PRDM14: variants seen among roughly 807,000 people sequenced by gnomAD.
The protein encoded by PRDM14 is PR/SET domain 14.
A neutral mutation model predicts 48.0 loss-of-function variants in PRDM14; 16 were observed. The observed-to-expected ratio is 0.33, with a 90% CI of 0.23 to 0.51. The LOEUF is 0.51. Among genes scored for constraint, PRDM14 ranks in the 20% least tolerant of loss-of-function variants. The pLI is 0.97. For missense variants in PRDM14, 566 were observed against 719.6 expected, an observed-to-expected ratio of 0.79 and a Z score of 2.44; for synonymous variants, 264 against 276.6, an observed-to-expected ratio of 0.95 and a Z score of 0.45.
Position 70,051,813 on chromosome 8 carries a change from C to A in PRDM14, c.*264G>T. ...TTGAGACAGGGTCTGGTTCTGTCAC[C>A]CAGGTTGAAAAGCAGTGGGGCGATC... is the stretch of plus-strand genomic sequence containing the variant. On this transcript the variant is annotated 3_prime_UTR_variant, in exon 8 of 8. Transcript: ENST00000276594. 2.9e-6 allele frequency: 1 copy of A among 348,412 alleles called. No individual in the cohort carries two copies. Among genetic ancestry groups the A allele is most frequent in the Non-Finnish European group, 5.2e-6 (1 of 192,064 alleles). The allele number at this position is 348,412 out of a possible 1,614,324, so 21.6% of individuals were successfully genotyped here. A position where few individuals can be genotyped will look rare whatever the true frequency, so the allele number is the denominator to read the frequency against.
At chr8:70,057,167 A>G (rs1407849356) in intron 6 of PRDM14, among the ~76,000 whole-genome samples, 2 of 151,664 alleles carry the variant, frequency 1.3e-5, no homozygotes, top group East Asian at 3.9e-4. Flanking sequence ...GGGTTTCACC[A>G]TGTTAGCCAC....
intron 7 of PRDM14, among the ~76,000 whole-genome samples, chr8:70,053,494 G>A (rs190419884): frequency 6.2e-4 from 94 of 152,178 alleles, no homozygotes; most frequent in African/African-American, 2.0e-3. Flanking sequence ...AGGTTCAAGC[G>A]ATTCTAGTGC....
rs1227328619 is a variant in PRDM14, at chr8:70,052,296, T to C, written c.1497A>G (p.Thr499=). 6.2e-7 allele frequency: 1 copy of C among 1,610,442 alleles called. No homozygotes were observed. Among genetic ancestry groups the C allele is most frequent in the African/African-American group, 1.3e-5 (1 of 74,882 alleles). ...TGTGTGTGCGGAGTATGCTGGAGGC[T>C]GTGAACCTCTGCAGAGAACAGAAAT... is the stretch of plus-strand genomic sequence containing the variant. The part of the protein sequence containing the change: ...YQCVYCTKRF[T]ASSILRTHIR... The change falls in exon 8 of 8, where the codon ACA becomes ACG. Residue 499 remains threonine, a synonymous_variant. Transcript: ENST00000276594.
chr8:70,056,411 C>T (rs1319583215), intron 6 of PRDM14, among the ~76,000 whole-genome samples: 1 of 152,194 alleles, frequency 6.6e-6, no homozygotes, highest in Non-Finnish European at 1.5e-5. Flanking sequence ...GGTTTCTGTG[C>T]TTTCACAACC....
chr8:70,063,551 T>C (rs533362562), intron 5 of PRDM14, among the ~76,000 whole-genome samples: 56 of 152,020 alleles, frequency 3.7e-4, no homozygotes, highest in Middle Eastern at 6.8e-3. Flanking sequence ...TGAGATGGAG[T>C]CTCACTCTGT....
rs1170368852 is a variant in PRDM14, at chr8:70,064,523, C to CTTTT, written c.1183+1708_1183+1711dup. Among the ~76,000 whole-genome samples the CTTTT allele has an allele frequency of 2.2e-5, 3 of 136,174 alleles. 1 individual carries two copies. The highest frequency in any genetic ancestry group is 3.2e-5 in the Non-Finnish European group (2 of 62,680). The allele number at this position is 136,174 out of a possible 152,430, so 89.3% of individuals were successfully genotyped here. Reference sequence around the variant, plus strand: ...AAAACAGGCATGCAGATGCAATTTACTTTTTTTTTTTTTTTTTTTGAAACG... The same window carrying CTTTT: ...AAAACAGGCATGCAGATGCAATTTACTTTTTTTTTTTTTTTTTTTTTTTGAAACG... On this transcript the variant is annotated intron_variant, in intron 5 of 7. Coordinates refer to ENST00000276594, the MANE Select transcript of PRDM14 (RefSeq NM_024504.4).
chr8:70,068,414 A>G (rs1329495515), intron 3 of PRDM14, 27 bp from the exon 4 acceptor site: 1 of 1,614,150 alleles, frequency 6.2e-7, no homozygotes, highest in Admixed American at 1.7e-5. Flanking sequence ...GCAGGAAAAG[A>G]GAATGAGGAG....
At chr8:70,060,182 C>T (rs916370682) in intron 5 of PRDM14, among the ~76,000 whole-genome samples, 5 of 151,892 alleles carry the variant, frequency 3.3e-5, no homozygotes, top group African/African-American at 1.2e-4. Context: ...GGACAGATCG[C>T]TTGAGCCCAG....
chr8:70,059,182 T>C (rs1372287744), intron 5 of PRDM14, among the ~76,000 whole-genome samples: 1 of 152,172 alleles, frequency 6.6e-6, no homozygotes, highest in Non-Finnish European at 1.5e-5. Context: ...CTAGAACTCC[T>C]GACCTCAGGT....
rs1403010120 is a variant in PRDM14, at chr8:70,069,645, C to T, written c.216G>A (p.Arg72=). 6.4e-7 allele frequency: 1 copy of T among 1,569,670 alleles called. No homozygotes were observed. The highest frequency in any genetic ancestry group is 8.6e-7 in the Non-Finnish European group (1 of 1,157,628). Residue 72 remains arginine, a synonymous_variant, in exon 2 of 8, where the codon CGG becomes CGA. Coordinates refer to ENST00000276594, the MANE Select transcript of PRDM14 (RefSeq NM_024504.4). The stretch of plus-strand genomic sequence containing the variant: ...CCGGGCTCAGCAAGGGAGGCGCCAT[C>T]CGGAAGGGGAAGGGGGGCATGGCGG... ...AAPAMPPFPF[R]MAPPLLSPGL...
rs1233354389 is a variant in PRDM14, at chr8:70,051,981, C to G, written c.*96G>C. Reference sequence around the variant, plus strand: ...TAGAGACAGGATTTCACCATGTTGCCCAGGCTGGTCTCGAACTCCTGGACT... The same window carrying G: ...TAGAGACAGGATTTCACCATGTTGCGCAGGCTGGTCTCGAACTCCTGGACT... On this transcript the variant is annotated 3_prime_UTR_variant, in exon 8 of 8. Coordinates refer to ENST00000276594, the MANE Select transcript of PRDM14 (RefSeq NM_024504.4). The G allele has an allele frequency of 1.2e-6, 1 of 806,716 alleles. No individual in the cohort carries two copies. Among genetic ancestry groups the G allele is most frequent in the Non-Finnish European group, 2.0e-6 (1 of 500,630 alleles). 50.0% of individuals were successfully genotyped at this position (806,716 alleles called of 1,614,324 possible). A position where few individuals can be genotyped will look rare whatever the true frequency, so the allele number is the denominator to read the frequency against.
At chr8:70,055,575 G>C (rs555414949) in intron 6 of PRDM14, among the ~76,000 whole-genome samples, 174 bp from the exon 7 acceptor site, 1 of 150,260 alleles carries the variant, frequency 6.7e-6, no homozygotes, top group East Asian at 2.0e-4. Context: ...GCACAATCAC[G>C]GTTCACTGCA....
intron 3 of PRDM14, 21 bp from the exon 4 acceptor site, chr8:70,068,408 G>A: frequency 1.2e-6 from 2 of 1,614,152 alleles, no homozygotes; most frequent in Non-Finnish European, 1.7e-6. Context: ...GCCGAGGCAG[G>A]AAAAGAGAAT....
At chr8:70,064,252 A>G (rs547669116) in intron 5 of PRDM14, among the ~76,000 whole-genome samples, 1 of 152,184 alleles carries the variant, frequency 6.6e-6, no homozygotes, top group Admixed American at 6.5e-5. Context: ...TAGATAAATA[A>G]TGACTGCTTA....
At chr8:70,056,070 G>A (rs1277659209) in intron 6 of PRDM14, among the ~76,000 whole-genome samples, 8 of 152,222 alleles carry the variant, frequency 5.3e-5, no homozygotes, top group Admixed American at 5.2e-4. Flanking sequence ...GCTCCACACT[G>A]CTAGAAACCA....
At chr8:70,058,059 G>A (rs1049948764) in intron 6 of PRDM14, among the ~76,000 whole-genome samples, 5 of 152,100 alleles carry the variant, frequency 3.3e-5, no homozygotes, top group Admixed American at 6.6e-5. Context: ...CTTTTTTGCA[G>A]CAAGCCTAGC....
chr8:70,055,241 T>C (rs2131034744), intron 7 of PRDM14, 59 bp downstream of exon 7: 4 of 943,750 alleles, frequency 4.2e-6, no homozygotes, highest in East Asian at 2.5e-5. Flanking sequence ...TTCAAGTTCT[T>C]ATCCATAGAC....
chr8:70,066,206 C>T (rs1805663871), intron 5 of PRDM14, 29 bp downstream of exon 5: 3 of 1,603,566 alleles, frequency 1.9e-6, no homozygotes, highest in African/African-American at 2.7e-5. Flanking sequence ...GGGATGCCCT[C>T]ATTGGGCAAG....
chr8:70,062,931 C>A (rs1805610345), intron 5 of PRDM14, among the ~76,000 whole-genome samples: 1 of 152,072 alleles, frequency 6.6e-6, no homozygotes, highest in African/African-American at 2.4e-5. Flanking sequence ...AGCTGCTGAG[C>A]CTGTATCATC....
Sources: allele counts gnomAD v4.1 joint callset (sites outside exome capture counted in the v4.1 genomes callset), GRCh38; gene constraint gnomAD v4.1.1; transcripts MANE v1.5; gene names NCBI Gene and HGNC (gene_info 2026-07-23, HGNC 2026-07-21).